SAMD12: variants seen among roughly 807,000 people sequenced by gnomAD.
SAMD12 encodes the protein sterile alpha motif domain-containing protein 12.
In SAMD12, 9 loss-of-function variants were observed where a neutral mutation model predicts 15.0. The ratio of observed to expected loss-of-function variants is 0.60; its 90% confidence interval spans 0.36 to 1.05. The LOEUF is 1.05. Among genes scored for constraint, SAMD12 ranks in the 50% least tolerant of loss-of-function variants. SAMD12 has a pLI of 0.01. For synonymous variants in SAMD12, 86 were observed against 90.1 expected (o/e 0.96, Z 0.25); for missense variants, 230 against 234.2 (o/e 0.98, Z 0.12).
chr8:118,592,495 A>T (rs1206433006), intron 1 of SAMD12, among the ~76,000 whole-genome samples: 1 of 151,972 alleles, frequency 6.6e-6, no homozygotes, highest in Non-Finnish European at 1.5e-5. Flanking sequence ...ACTTCCCTTT[A>T]GGTTAGTGTT....
intron 2 of SAMD12, among the ~76,000 whole-genome samples, chr8:118,453,352 T>C (rs1316791303): frequency 1.3e-5 from 2 of 152,174 alleles, no homozygotes; most frequent in Non-Finnish European, 2.9e-5. Context: ...ATTTCTTCTA[T>C]CACATTCTCA....
intron 4 of SAMD12, among the ~76,000 whole-genome samples, chr8:118,230,924 G>A (rs550537118): frequency 2.0e-5 from 3 of 152,212 alleles, no homozygotes; most frequent in South Asian, 4.1e-4. Context: ...AAGCCAGTGT[G>A]GGGTTTTAAG....
At chr8:118,242,946 C>G (rs1224912861) in intron 4 of SAMD12, among the ~76,000 whole-genome samples, 2 of 152,156 alleles carry the variant, frequency 1.3e-5, no homozygotes, top group Non-Finnish European at 2.9e-5. Flanking sequence ...CCCATCTGGG[C>G]TACAATCTGG....
intron 4 of SAMD12, among the ~76,000 whole-genome samples, chr8:118,233,617 C>G (rs1812360865): frequency 6.6e-6 from 1 of 152,306 alleles, no homozygotes; most frequent in South Asian, 2.1e-4. Flanking sequence ...GGGATAGTGT[C>G]TGGCTTTTAG....
intron 1 of SAMD12, among the ~76,000 whole-genome samples, chr8:118,619,470 C>A (rs1174965731): frequency 2.0e-5 from 2 of 99,452 alleles, no homozygotes; most frequent in African/African-American, 4.1e-5. Flanking sequence ...CAGAGCAAGA[C>A]TCTGTCTCAA....
At position 118,417,747 on chromosome 8, in the gene SAMD12, T is replaced by C. The variant is rs1017874984; in HGVS notation, c.322+22085A>G. On this transcript the variant is annotated intron_variant, in intron 3 of 3. Coordinates refer to ENST00000314727, the MANE Select transcript of SAMD12 (RefSeq NM_207506.3). ...GAAATGTTATTATTTTCAAACACTG[T>C]AAGATATAAATGGGTACTGAAACAA... 5.9e-5 allele frequency among the ~76,000 whole-genome samples: 9 copies of C among 152,324 alleles called. 1 individual carries two copies. The highest frequency in any genetic ancestry group is 2.4e-5 in the African/African-American group (1 of 41,570).
chr8:118,252,994 C>T (rs1226981562), intron 4 of SAMD12, among the ~76,000 whole-genome samples: 1 of 152,166 alleles, frequency 6.6e-6, no homozygotes, highest in Admixed American at 6.5e-5. Flanking sequence ...GGAGCCCACA[C>T]AGAAAGAATC....
At chr8:118,396,645 T>C (rs1820584199) in intron 3 of SAMD12, among the ~76,000 whole-genome samples, 1 of 152,222 alleles carries the variant, frequency 6.6e-6, no homozygotes, top group Non-Finnish European at 1.5e-5. Flanking sequence ...TTGTCCAAAG[T>C]CGTAAGACTA....
chr8:118,358,237 C>T (rs1157113778), intron 4 of SAMD12, among the ~76,000 whole-genome samples: 1 of 152,164 alleles, frequency 6.6e-6, no homozygotes. Flanking sequence ...TATACTTCAT[C>T]CGGCCAGACC....
downstream of SAMD12, among the ~76,000 whole-genome samples, chr8:118,377,618 T>C (rs1051296351): frequency 6.6e-6 from 1 of 152,120 alleles, no homozygotes; most frequent in Non-Finnish European, 1.5e-5. Context: ...AGAACACGTA[T>C]GTATATTTAG....
intron 2 of SAMD12, among the ~76,000 whole-genome samples, chr8:118,528,094 T>A (rs1354755968): frequency 6.6e-6 from 1 of 152,170 alleles, no homozygotes; most frequent in Non-Finnish European, 1.5e-5. Flanking sequence ...TGGCATGATC[T>A]CAGCTCACTG....
intron 2 of SAMD12, among the ~76,000 whole-genome samples, chr8:118,474,873 A>G (rs920034434): frequency 3.3e-5 from 5 of 152,124 alleles, no homozygotes; most frequent in African/African-American, 1.2e-4. Flanking sequence ...TTCCTCATGA[A>G]TGGGTTGATG....
chr8:118,514,192 C>T (rs917507898), intron 2 of SAMD12, among the ~76,000 whole-genome samples: 10 of 152,162 alleles, frequency 6.6e-5, no homozygotes, highest in African/African-American at 2.4e-4. Context: ...CCATACAACT[C>T]TCTAATGGGT....
intron 2 of SAMD12, among the ~76,000 whole-genome samples, chr8:118,547,328 C>T (rs769642568): frequency 5.3e-5 from 8 of 152,150 alleles, no homozygotes; most frequent in Non-Finnish European, 8.8e-5. Flanking sequence ...TCAAGAATGA[C>T]TTCAGTGAGG....
chr8:118,457,516 G>A (rs1334519824), intron 2 of SAMD12, among the ~76,000 whole-genome samples: 2 of 152,166 alleles, frequency 1.3e-5, no homozygotes, highest in Non-Finnish European at 2.9e-5. Flanking sequence ...TATGGGGCAG[G>A]TGGAAATCAG....
chr8:118,412,074 T>C (rs1248351021), intron 3 of SAMD12, among the ~76,000 whole-genome samples: 1 of 152,206 alleles, frequency 6.6e-6, no homozygotes, highest in Non-Finnish European at 1.5e-5. Context: ...AGAAAAAGTT[T>C]ACTAGCCCTC....
chr8:118,501,394 T>C (rs1231079980), intron 2 of SAMD12, among the ~76,000 whole-genome samples: 1 of 152,186 alleles, frequency 6.6e-6, no homozygotes, highest in Non-Finnish European at 1.5e-5. Context: ...CATTCCACAA[T>C]GTGTATATAT....
exon 5 of SAMD12, chr8:118,191,283 C>T (rs970488781): frequency 2.0e-5 from 3 of 152,072 alleles, no homozygotes; most frequent in African/African-American, 7.2e-5. Flanking sequence ...AGGACAACAT[C>T]TTTCTATTGG....
At chr8:118,495,162 G>A (rs1276892243) in intron 2 of SAMD12, among the ~76,000 whole-genome samples, 3 of 152,170 alleles carry the variant, frequency 2.0e-5, no homozygotes, top group African/African-American at 4.8e-5. Context: ...TGTAGGGTGA[G>A]CTTAGGCAGT....
Sources: allele counts gnomAD v4.1 joint callset (sites outside exome capture counted in the v4.1 genomes callset), GRCh38; gene constraint gnomAD v4.1.1; transcripts MANE v1.5; gene names NCBI Gene and HGNC (gene_info 2026-07-23, HGNC 2026-07-21).